REDIC1: variants seen among roughly 807,000 people sequenced by gnomAD.
REDIC1 encodes regulator of DNA class I crossover intermediates 1, also known as HEI10 Interacting Protein 1.
chr12:39,712,153 C>CCTGT, the REDIC1 span, among the ~76,000 whole-genome samples: 4,964 of 94,616 alleles, frequency 0.052, 326 homozygotes, highest in Non-Finnish European at 0.083. Context: ...TACATCTATA[C>CCTGT]ATGTATATGT....
chr12:39,746,819 C>G, the REDIC1 span, among the ~76,000 whole-genome samples: 20,389 of 152,280 alleles, frequency 0.13, 1,649 homozygotes, highest in East Asian at 0.39. Context: ...CAAACAGCAT[C>G]TGGAGTGGAC....
the REDIC1 span, among the ~76,000 whole-genome samples, chr12:39,878,893 C>T: frequency 6.6e-6 from 1 of 152,196 alleles, no homozygotes; most frequent in Non-Finnish European, 1.5e-5. Context: ...ACAGGTCTTC[C>T]CATCACAGGC....
chr12:39,684,161 C>G, the REDIC1 span: 23 of 1,021,482 alleles, frequency 2.3e-5, no homozygotes, highest in Non-Finnish European at 2.7e-5. Context: ...GATTTTTACA[C>G]TCATCCATTA....
At chr12:39,693,529 C>T in the REDIC1 span, among the ~76,000 whole-genome samples, 8 of 151,588 alleles carry the variant, frequency 5.3e-5, no homozygotes, top group African/African-American at 1.9e-4. Flanking sequence ...CAGCCTTTCT[C>T]ATTCTAAATG....
At chr12:39,761,781 G>A in the REDIC1 span, among the ~76,000 whole-genome samples, 1 of 152,010 alleles carries the variant, frequency 6.6e-6, no homozygotes, top group Non-Finnish European at 1.5e-5. Context: ...AGTACAGATG[G>A]TAAAACATTT....
the REDIC1 span, among the ~76,000 whole-genome samples, chr12:39,871,442 T>C: frequency 6.6e-6 from 1 of 151,896 alleles, no homozygotes; most frequent in Admixed American, 6.6e-5. Context: ...TGTTAAAAAG[T>C]GAGTTTCTGA....
the REDIC1 span, among the ~76,000 whole-genome samples, chr12:39,784,398 C>T: frequency 6.6e-6 from 1 of 152,094 alleles, no homozygotes; most frequent in Non-Finnish European, 1.5e-5. Context: ...TGGAACAGAA[C>T]AGAGCCCGCA....
At chr12:39,655,266 G>A in the REDIC1 span, among the ~76,000 whole-genome samples, 1 of 151,898 alleles carries the variant, frequency 6.6e-6, no homozygotes, top group African/African-American at 2.4e-5. Flanking sequence ...TGCTTGCCTT[G>A]GATTTAGGTT....
chr12:39,643,808 A>C, the REDIC1 span: 1 of 1,551,076 alleles, frequency 6.4e-7, no homozygotes, highest in Non-Finnish European at 8.9e-7. Flanking sequence ...GGTTAAAATC[A>C]AAAATGAAAT....
At chr12:39,879,076 C>T in the REDIC1 span, among the ~76,000 whole-genome samples, 4 of 152,238 alleles carry the variant, frequency 2.6e-5, no homozygotes, top group Admixed American at 1.3e-4. Context: ...AGGCATAAGC[C>T]TTGCTGTCTT....
At chr12:39,711,724 CATGCAT>C in the REDIC1 span, among the ~76,000 whole-genome samples, 78,633 of 106,734 alleles carry the variant, frequency 0.74, 29,449 homozygotes, top group Non-Finnish European at 0.82. Flanking sequence ...TGTGTATGCA[CATGCAT>C]GTGTGTATGT....
At chr12:39,681,343 A>T in the REDIC1 span, among the ~76,000 whole-genome samples, 2 of 152,286 alleles carry the variant, frequency 1.3e-5, no homozygotes, top group South Asian at 4.1e-4. Context: ...GGGATGAGGG[A>T]TAAAAGACTA....
chr12:39,713,344 A>G, the REDIC1 span, among the ~76,000 whole-genome samples: 2 of 145,452 alleles, frequency 1.4e-5, no homozygotes, highest in East Asian at 4.0e-4. Context: ...ACGTGTATAT[A>G]TGTGTATACA....
chr12:39,857,590 T>C, the REDIC1 span, among the ~76,000 whole-genome samples: 1 of 152,194 alleles, frequency 6.6e-6, no homozygotes, highest in East Asian at 1.9e-4. Flanking sequence ...CTGTAATCAA[T>C]TTTCCACTCT....
At chr12:39,830,079 C>A in the REDIC1 span, 2 of 1,612,628 alleles carry the variant, frequency 1.2e-6, no homozygotes, top group South Asian at 1.1e-5. Context: ...ATTATATATT[C>A]GTATGGTAAA....
the REDIC1 span, chr12:39,756,021 G>A: frequency 6.6e-6 from 1 of 151,934 alleles, no homozygotes; most frequent in East Asian, 1.9e-4. Context: ...TAGAAAAATA[G>A]CAGCAGTATT....
chr12:39,838,235 G>C, the REDIC1 span, among the ~76,000 whole-genome samples: 2 of 150,374 alleles, frequency 1.3e-5, no homozygotes, highest in Non-Finnish European at 3.0e-5. Context: ...GTAAACTGTC[G>C]CAAGATCAAA....
At chr12:39,765,456 C>A in the REDIC1 span, among the ~76,000 whole-genome samples, 1 of 152,028 alleles carries the variant, frequency 6.6e-6, no homozygotes, top group African/African-American at 2.4e-5. Flanking sequence ...TAGATCCATT[C>A]TGAAGTTGAA....
chr12:39,765,225 G>T, the REDIC1 span, among the ~76,000 whole-genome samples: 50 of 152,170 alleles, frequency 3.3e-4, 1 homozygote, highest in Admixed American at 5.2e-4. Flanking sequence ...TTCAGAGCCA[G>T]ATACTTTTCA....
Sources: gnomAD v4.1 joint callset for allele counts (sites outside exome capture counted in the v4.1 genomes callset) on GRCh38, gnomAD v4.1.1 for gene constraint, MANE v1.5 for transcripts, NCBI Gene and HGNC (gene_info 2026-07-23, HGNC 2026-07-21) for gene names.